Variants in DENND10 observed in about 807,000 individuals in gnomAD.
DENND10 encodes DENN domain containing 10, also known as DENN domain-containing protein 10.
DENND10 carries 24 observed loss-of-function variants against 43.6 expected under a neutral mutation model. That is an observed-to-expected ratio of 0.55 (90% CI 0.40 to 0.77). The LOEUF (loss-of-function observed/expected upper bound fraction) is 0.77, where lower values mean the gene tolerates loss of function less well. Among genes scored for constraint, DENND10 ranks in the 30% least tolerant of loss-of-function variants. DENND10 has a pLI of 0.00. For synonymous variants in DENND10, 125 were observed against 157.6 expected (o/e 0.79, Z 1.55); for missense variants, 303 against 429.9 (o/e 0.70, Z 2.61).
intron 7 of DENND10, among the ~76,000 whole-genome samples, chr10:119,130,417 C>CA (rs1418166527): frequency 6.6e-6 from 1 of 152,176 alleles, no homozygotes; most frequent in African/African-American, 2.4e-5. Context: ...CTTGGCCTCT[C>CA]AAAGTGCTGG....
At chr10:119,109,622 CTTT>C (rs776609518) in intron 2 of DENND10, among the ~76,000 whole-genome samples, 7 of 141,098 alleles carry the variant, frequency 5.0e-5, no homozygotes, top group Non-Finnish European at 3.1e-5. Context: ...CAAGAAGATA[CTTT>C]TTTTTTTTTT....
chr10:119,118,819 C>G (rs1454037638), intron 4 of DENND10, among the ~76,000 whole-genome samples: 2 of 148,944 alleles, frequency 1.3e-5, no homozygotes, highest in Admixed American at 6.8e-5. Flanking sequence ...TACAGGTGCA[C>G]ACCACCATGC....
At chr10:119,114,837 T>A (rs1845169380) in intron 3 of DENND10, among the ~76,000 whole-genome samples, 1 of 151,736 alleles carries the variant, frequency 6.6e-6, no homozygotes, top group African/African-American at 2.4e-5. Context: ...TGGCGCCACC[T>A]CGGCTCACTA....
In DENND10 at chr10:119,125,501, CTTTTTTTTTTTT is replaced by C. The variant is rs34630434; in HGVS notation, c.694+1945_694+1956del. ...ACATTGTGATTCCACTTCTAGTTTT[CTTTTTTTTTTTT>C]TTTTTTTTTTTTGAGTTGGAGTCTC... On this transcript the variant is annotated intron_variant, in intron 6 of 8. Coordinates refer to ENST00000361432, the MANE Select transcript of DENND10 (RefSeq NM_207009.4). 7.6e-5 allele frequency among the ~76,000 whole-genome samples: 5 copies of C among 65,850 alleles called. No individual in the cohort carries two copies. The Admixed American group carries it at 7.6e-4, about 10-fold the overall frequency. The allele number at this position is 65,850 out of a possible 152,430, so 43.2% of individuals were successfully genotyped here.
In DENND10 at chr10:119,137,831, AAAT is replaced by A. The variant is rs1846424739; in HGVS notation, c.*1188_*1190del. 1 of 166,224 alleles carries A rather than the reference AAAT, an allele frequency of 6.0e-6. No individual in the cohort carries two copies. Among genetic ancestry groups the A allele is most frequent in the African/African-American group, 2.4e-5 (1 of 41,090 alleles). The allele number at this position is 166,224 out of a possible 1,614,324, so 10.3% of individuals were successfully genotyped here. ...GAAATAAGACAATGTTTACTAAGGC[AAAT>A]AATTGAAAATTAAATCTGCACTTTA... On this transcript the variant is annotated 3_prime_UTR_variant, in exon 9 of 9. Coordinates refer to ENST00000361432, the MANE Select transcript of DENND10 (RefSeq NM_207009.4).
chr10:119,115,591 G>A (rs982352049), intron 3 of DENND10, among the ~76,000 whole-genome samples: 32 of 140,874 alleles, frequency 2.3e-4, no homozygotes, highest in African/African-American at 6.2e-4. Context: ...GGGTTTCACC[G>A]TTTTAGCCGG....
intron 4 of DENND10, 135 bp downstream of exon 4, chr10:119,117,802 C>G (rs1305151360): frequency 1.2e-6 from 1 of 811,066 alleles, no homozygotes; most frequent in Admixed American, 3.2e-5. Context: ...CTCGTCTCCA[C>G]TAAAAATACA....
At chr10:119,130,301 C>T (rs7098720) in intron 7 of DENND10, among the ~76,000 whole-genome samples, 9,954 of 152,156 alleles carry the variant, frequency 0.065, 847 homozygotes, top group African/African-American at 0.19. Context: ...GCTGGGATTA[C>T]AGGCACCCGC....
At chr10:119,111,794 A>C in intron 2 of DENND10, 55 bp from the exon 3 acceptor site, 1 of 1,351,836 alleles carries the variant, frequency 7.4e-7, no homozygotes, top group Non-Finnish European at 1.1e-6. Flanking sequence ...TAGTAATAAA[A>C]ATTCTGCTAA....
chr10:119,115,835 C>T (rs1219178089), intron 3 of DENND10, among the ~76,000 whole-genome samples: 1 of 149,040 alleles, frequency 6.7e-6, no homozygotes, highest in African/African-American at 2.5e-5. Context: ...GTGATCTTGA[C>T]TCACTGCAAC....
chr10:119,117,368 T>A (rs965802362), intron 3 of DENND10, 151 bp from the exon 4 acceptor site: 4 of 786,712 alleles, frequency 5.1e-6, no homozygotes, highest in Non-Finnish European at 8.1e-6. Context: ...TGAGACTCTG[T>A]CTCAAAAAAA....
chr10:119,136,045 G>A (rs910560668), intron 8 of DENND10, among the ~76,000 whole-genome samples: 15 of 152,022 alleles, frequency 9.9e-5, no homozygotes, highest in Admixed American at 3.3e-4. Flanking sequence ...GGGTGTGGTG[G>A]CGCATGCCTG....
chr10:119,119,720 ATTT>A (rs770983524), intron 4 of DENND10, among the ~76,000 whole-genome samples: 1 of 140,608 alleles, frequency 7.1e-6, no homozygotes, highest in African/African-American at 2.6e-5. Flanking sequence ...CCTGGCAGAC[ATTT>A]TTTTTTTTTT....
Position 119,104,225 on chromosome 10 carries a change from G to C in DENND10, c.55+28G>C, listed in dbSNP as rs1351442936. 2.0e-6 allele frequency: 3 copies of C among 1,502,574 alleles called. No homozygotes were observed. In the Admixed American group the frequency reaches 7.0e-5, roughly 35 times the overall value. 93.1% of individuals were successfully genotyped at this position (1,502,574 alleles called of 1,614,324 possible). A position where few individuals can be genotyped will look rare whatever the true frequency, so the allele number is the denominator to read the frequency against. ...GAGGACGTAGGCGCCCTGCCTGGAA[G>C]CCCGCACCCTGGTTCTGCCTCTGCT... On this transcript the variant is annotated intron_variant, in intron 1 of 8. Transcript: ENST00000361432.
At chr10:119,127,705 C>G (rs572226574) in intron 6 of DENND10, among the ~76,000 whole-genome samples, 64 of 152,028 alleles carry the variant, frequency 4.2e-4, no homozygotes, top group African/African-American at 1.4e-3. Flanking sequence ...CCAGGCAGGC[C>G]TCGAACTCCT....
intron 3 of DENND10, chr10:119,114,264 G>GCA (rs58128960): frequency 0.35 from 52,021 of 149,492 alleles, 9,157 homozygotes; most frequent in Non-Finnish European, 0.39. Context: ...CCAAGTATTT[G>GCA]CACACACACA....
Position 119,117,593 on chromosome 10 carries a change from A to G in DENND10, c.407A>G (p.Gln136Arg). The G allele has an allele frequency of 1.2e-6, 2 of 1,614,082 alleles. No individual in the cohort carries two copies. Among genetic ancestry groups the G allele is most frequent in the Non-Finnish European group, 1.7e-6 (2 of 1,179,950 alleles). The part of the protein sequence containing the change: ...YIAVLTKGIC[Q>R]SEENGSFLSK... ...GCAGTTCTCACAAAGGGGATATGCC[A>G]GAGTGAAGAAAACGGCTCTTTCCTT... is the stretch of plus-strand genomic sequence containing the variant. Residue 136 changes from glutamine (Q) to arginine (R), a missense_variant, in exon 4 of 9, where the codon CAG becomes CGG. Coordinates refer to ENST00000361432, the MANE Select transcript of DENND10 (RefSeq NM_207009.4).
chr10:119,137,167 A>T lies in DENND10; in HGVS notation c.*520A>T, dbSNP rs1846397306. ...AGACCCTGCAGTTGCACTTTCTCGT[A>T]AAAGTTAAAAAAAAAAAAAAAAAAA... On this transcript the variant is annotated 3_prime_UTR_variant, in exon 9 of 9. Coordinates refer to ENST00000361432, the MANE Select transcript of DENND10 (RefSeq NM_207009.4). The T allele has an allele frequency of 1.1e-5, 1 of 89,728 alleles. No homozygotes were observed. The highest frequency in any genetic ancestry group is 2.7e-5 in the Non-Finnish European group (1 of 37,666). The allele number at this position is 89,728 out of a possible 1,614,324, so 5.6% of individuals were successfully genotyped here.
intron 6 of DENND10, among the ~76,000 whole-genome samples, chr10:119,126,874 T>C (rs920027289): frequency 6.6e-6 from 1 of 151,928 alleles, no homozygotes; most frequent in Non-Finnish European, 1.5e-5. Context: ...CATTTTCTTA[T>C]GAAAATTTTT....
Sources: allele counts gnomAD v4.1 joint callset (sites outside exome capture counted in the v4.1 genomes callset), GRCh38; gene constraint gnomAD v4.1.1; transcripts MANE v1.5; gene names NCBI Gene and HGNC (gene_info 2026-07-23, HGNC 2026-07-21).